Variants in INPP4B observed in about 807,000 individuals in gnomAD.
INPP4B encodes the protein inositol polyphosphate-4-phosphatase type II B.
INPP4B carries 55 observed loss-of-function variants against 122.5 expected under a neutral mutation model. The observed-to-expected ratio is 0.45, with a 90% CI of 0.36 to 0.56. INPP4B has a LOEUF of 0.56. INPP4B is among the 20% of genes least tolerant of loss of function. INPP4B has a pLI of 0.00. For missense variants in INPP4B, 1,000 were observed against 1,097.7 expected (o/e 0.91, Z 1.26); for synonymous variants, 403 against 388.7 (o/e 1.04, Z -0.43).
chr4:142,637,938 C>T (rs956906726), intron 2 of INPP4B, among the ~76,000 whole-genome samples: 1 of 152,148 alleles, frequency 6.6e-6, no homozygotes, highest in African/African-American at 2.4e-5. Flanking sequence ...TTGCAGTTCT[C>T]TAATGACATG....
At chr4:142,497,821 A>G (rs970823373) in intron 2 of INPP4B, among the ~76,000 whole-genome samples, 1 of 152,182 alleles carries the variant, frequency 6.6e-6, no homozygotes, top group African/African-American at 2.4e-5. Flanking sequence ...GCAAAATGCC[A>G]TGGCTTAACC....
chr4:142,029,049 A>AGTGAT, intron 25 of INPP4B, 135 bp from the exon 26 acceptor site: 1 of 1,419,754 alleles, frequency 7.0e-7, no homozygotes, highest in African/African-American at 1.4e-5. Flanking sequence ...TTTTTCCACA[A>AGTGAT]GTGATGATAC....
At chr4:142,234,667 T>G (rs1855911781) in intron 12 of INPP4B, among the ~76,000 whole-genome samples, 1 of 152,240 alleles carries the variant, frequency 6.6e-6, no homozygotes, top group Admixed American at 6.5e-5. Flanking sequence ...TACAGCCTGG[T>G]CATCATAGAC....
intron 17 of INPP4B, among the ~76,000 whole-genome samples, chr4:142,146,852 A>G (rs1444780351): frequency 6.6e-6 from 1 of 152,214 alleles, no homozygotes; most frequent in Non-Finnish European, 1.5e-5. Context: ...CCCAAGAAGC[A>G]GCCTGTACCA....
intron 2 of INPP4B, among the ~76,000 whole-genome samples, chr4:142,498,107 G>T (rs1486948088): frequency 7.6e-6 from 1 of 131,300 alleles, no homozygotes; most frequent in Non-Finnish European, 1.5e-5. Context: ...GTGTGTGTGT[G>T]TGTATATATA....
At chr4:142,546,780 T>G (rs62328349) in intron 2 of INPP4B, among the ~76,000 whole-genome samples, 7,704 of 152,166 alleles carry the variant, frequency 0.051, 221 homozygotes, top group Middle Eastern at 0.13. Flanking sequence ...AAAATACATA[T>G]TTGAGGATGT....
intron 23 of INPP4B, among the ~76,000 whole-genome samples, chr4:142,089,627 C>T (rs1001553913): frequency 2.2e-5 from 3 of 134,000 alleles, no homozygotes; most frequent in Admixed American, 8.3e-5. Context: ...ATCAAAAATA[C>T]CTCAATTTAT....
intron 2 of INPP4B, among the ~76,000 whole-genome samples, chr4:142,570,609 A>G (rs959976562): frequency 2.0e-5 from 3 of 152,090 alleles, no homozygotes; most frequent in Non-Finnish European, 2.9e-5. Context: ...ATGCTCTATA[A>G]TTAAGCCATT....
chr4:142,823,591 T>C (rs1183877413), intron 1 of INPP4B, among the ~76,000 whole-genome samples: 1 of 152,172 alleles, frequency 6.6e-6, no homozygotes, highest in East Asian at 1.9e-4. Context: ...TTAACAGCTT[T>C]ATTGCTGTTT....
intron 5 of INPP4B, among the ~76,000 whole-genome samples, chr4:142,415,639 A>C (rs11945935): frequency 0.37 from 55,357 of 151,440 alleles, 10,800 homozygotes; most frequent in East Asian, 0.61. Flanking sequence ...TTGACCCAGC[A>C]ATCCCATTAC....
At chr4:142,838,771 G>GA (rs1430650495) in intron 1 of INPP4B, among the ~76,000 whole-genome samples, 1 of 152,100 alleles carries the variant, frequency 6.6e-6, no homozygotes, top group Admixed American at 6.5e-5. Flanking sequence ...TTTAAAATCT[G>GA]AAAAAATTCT....
At chr4:142,366,218 C>T (rs192518681) in intron 7 of INPP4B, among the ~76,000 whole-genome samples, 50 of 152,198 alleles carry the variant, frequency 3.3e-4, no homozygotes, top group African/African-American at 1.1e-3. Context: ...TTGCTTCTAA[C>T]TCCACCGCCT....
At chr4:142,056,504 C>T (rs1757784951) in intron 25 of INPP4B, among the ~76,000 whole-genome samples, 2 of 151,994 alleles carry the variant, frequency 1.3e-5, no homozygotes, top group Non-Finnish European at 2.9e-5. Context: ...ATAAATATAA[C>T]AAGGTGTTGT....
chr4:142,561,136 A>T (rs1162756654), intron 2 of INPP4B, among the ~76,000 whole-genome samples: 4 of 152,230 alleles, frequency 2.6e-5, no homozygotes, highest in African/African-American at 7.2e-5. Flanking sequence ...TATAATTTAC[A>T]CTTCTGCAAA....
chr4:142,330,107 C>A (rs992241680), intron 7 of INPP4B, among the ~76,000 whole-genome samples: 2 of 152,110 alleles, frequency 1.3e-5, no homozygotes, highest in Non-Finnish European at 2.9e-5. Flanking sequence ...GCACTTGTGG[C>A]AGCAGTATAT....
At chr4:142,189,706 A>G (rs571918831) in intron 15 of INPP4B, among the ~76,000 whole-genome samples, 1 of 152,322 alleles carries the variant, frequency 6.6e-6, no homozygotes, top group African/African-American at 2.4e-5. Context: ...GGAAAAAGGA[A>G]AAGGTATAAA....
chr4:142,814,638 G>A (rs1779913397), intron 1 of INPP4B, among the ~76,000 whole-genome samples: 1 of 152,044 alleles, frequency 6.6e-6, no homozygotes, highest in Non-Finnish European at 1.5e-5. Flanking sequence ...GAACTCAGGA[G>A]CAACTGAAAG....
intron 1 of INPP4B, among the ~76,000 whole-genome samples, chr4:142,748,106 T>G (rs760310816): frequency 6.6e-6 from 1 of 152,046 alleles, no homozygotes; most frequent in Non-Finnish European, 1.5e-5. Context: ...AAAAATTAGA[T>G]CTATAGAAAA....
At chr4:142,035,397 C>T (rs1296427574) in intron 25 of INPP4B, among the ~76,000 whole-genome samples, 1 of 152,120 alleles carries the variant, frequency 6.6e-6, no homozygotes. Flanking sequence ...ATATTTTGTG[C>T]ACCTACGTTG....
Sources: gnomAD v4.1 joint callset for allele counts (sites outside exome capture counted in the v4.1 genomes callset) on GRCh38, gnomAD v4.1.1 for gene constraint, MANE v1.5 for transcripts, NCBI Gene and HGNC (gene_info 2026-07-23, HGNC 2026-07-21) for gene names.